MYO7B: variants seen among roughly 807,000 people sequenced by gnomAD.
The protein encoded by MYO7B is myosin VIIB.
A neutral mutation model predicts 259.7 loss-of-function variants in MYO7B; 212 were observed. The ratio of observed to expected loss-of-function variants is 0.82; its 90% CI spans 0.73 to 0.91. MYO7B has a LOEUF of 0.91. Among genes scored for constraint, MYO7B ranks in the 40% least tolerant of loss-of-function variants. The pLI is 0.00. For missense variants in MYO7B, 2,732 were observed against 2,813.5 expected (o/e 0.97, Z 0.66); for synonymous variants, 1,197 against 1,166.4 (o/e 1.03, Z -0.54).
In MYO7B at chr2:127,637,589, A is replaced by G; in HGVS notation, c.*172A>G. On this transcript the variant is annotated 3_prime_UTR_variant, in exon 48 of 48. Coordinates refer to ENST00000409816, the MANE Select transcript of MYO7B (RefSeq NM_001393586.1). ...GCCCCCTCTGTCCTGGGCGCTGCCC[A>G]GGGAGGCCAAAAGACGGGCCCAGAA... 1 of 499,954 alleles carries G rather than the reference A, an allele frequency of 2.0e-6. No homozygotes were observed. Among genetic ancestry groups the G allele is most frequent in the Non-Finnish European group, 3.5e-6 (1 of 288,838 alleles). The allele number at this position is 499,954 out of a possible 1,614,324, so 31.0% of individuals were successfully genotyped here.
chr2:127,557,297 T>G (rs1677867714), intron 1 of MYO7B, among the ~76,000 whole-genome samples: 1 of 152,160 alleles, frequency 6.6e-6, no homozygotes, highest in Admixed American at 6.5e-5. Flanking sequence ...ATTTCTCCCC[T>G]CATTTCTTGT....
At chr2:127,594,134 G>T (rs934304413) in intron 18 of MYO7B, among the ~76,000 whole-genome samples, 4 of 152,218 alleles carry the variant, frequency 2.6e-5, no homozygotes, top group African/African-American at 7.2e-5. Flanking sequence ...TGTCCTTAGC[G>T]GGGCTTGTGC....
chr2:127,570,764 A>C (rs1678566947), intron 6 of MYO7B, among the ~76,000 whole-genome samples: 3 of 150,418 alleles, frequency 2.0e-5, no homozygotes, highest in Non-Finnish European at 3.0e-5. Context: ...TGTCTTCCCA[A>C]CCCCTCCCCT....
rs1170136161 is a variant in MYO7B, at chr2:127,628,914, C to T, written c.4624+379C>T. 1.3e-5 allele frequency among the ~76,000 whole-genome samples: 2 copies of T among 152,228 alleles called. No homozygotes were observed. Among genetic ancestry groups the T allele is most frequent in the Non-Finnish European group, 2.9e-5 (2 of 68,040 alleles). On this transcript the variant is annotated intron_variant, in intron 34 of 47. Coordinates refer to ENST00000409816, the MANE Select transcript of MYO7B (RefSeq NM_001393586.1). The surrounding 1 kb of genome is among the most constrained non-coding windows in gnomAD (Gnocchi z 4.8). ...TTTTACAGACGTGAGGCCAGAGGCC[C>T]AGAGATGGAAGTAGCTCACCCAGGG...
Position 127,576,581 on chromosome 2 carries a change from T to G in MYO7B, c.736-14T>G. ...GCTCATGAATCTGTCTGGAATGCCC[T>G]CCCTCCCTCCCAGGCTCCCGAGGAG... is the stretch of plus-strand genomic sequence containing the variant. On this transcript the variant is annotated splice_polypyrimidine_tract_variant and intron_variant, in intron 7 of 47. Coordinates refer to ENST00000409816, the MANE Select transcript of MYO7B (RefSeq NM_001393586.1). The surrounding 1 kb of genome is among the most constrained non-coding windows in gnomAD (Gnocchi z 4.9). The G allele has an allele frequency of 3.1e-5, 29 of 921,080 alleles. No homozygotes were observed. The highest frequency in any genetic ancestry group is 4.5e-5 in the Non-Finnish European group (26 of 581,718). 57.1% of individuals were successfully genotyped at this position (921,080 alleles called of 1,614,324 possible).
rs141289493 is a variant in MYO7B, at chr2:127,610,049, C to T, written c.3192+33C>T. 628 of 1,599,288 alleles carry T rather than the reference C, an allele frequency of 3.9e-4. 1 individual carries two copies. The African/African-American group carries it at 6.3e-3, about 16-fold the overall frequency. ...GGGGGCAGCAGCGGGCAGAGGAGGG[C>T]GACACCTACCAGGTGCCTACCAGGG... is the stretch of plus-strand genomic sequence containing the variant. On this transcript the variant is annotated intron_variant, in intron 24 of 47. Transcript: ENST00000409816.
chr2:127,609,627 C>T lies in MYO7B; in HGVS notation c.2936C>T (p.Thr979Ile). 2.5e-6 allele frequency: 4 copies of T among 1,614,010 alleles called. No individual in the cohort carries two copies. Among genetic ancestry groups the T allele is most frequent in the Non-Finnish European group, 3.4e-6 (4 of 1,179,898 alleles). Residue 979 changes from threonine to isoleucine, a missense_variant, in exon 23 of 48, where the codon ACT becomes ATT. Around this residue, in one of 3 missense-constraint regions of MYO7B, gnomAD observed 1,906 missense variants for 2,026.4 expected, o/e 0.94. Transcript: ENST00000409816. The surrounding 1 kb of genome is among the most constrained non-coding windows in gnomAD (Gnocchi z 6.9). ...TACACCTTCCCCAAGTTTGCTGTGA[C>T]TTACTTCCAGAAATCAGCCAGCCAC... ...AEYTFPKFAVTYFQKSASHTH... is the reference protein window; with the variant it reads ...AEYTFPKFAVIYFQKSASHTH...
Position 127,627,383 on chromosome 2 carries a change from TGGGGAGAG to T in MYO7B, c.4460+77_4460+84del. 9.2e-7 allele frequency: 1 copy of T among 1,092,798 alleles called. No individual in the cohort carries two copies. The highest frequency in any genetic ancestry group is 1.2e-6 in the Non-Finnish European group (1 of 824,548). 67.7% of individuals were successfully genotyped at this position (1,092,798 alleles called of 1,614,324 possible). ...ATGCATCTGGGGGCTCGGGGAGAGA[TGGGGAGAG>T]GGGCAGTGTGCCGTCCCGGGTAACA... is the stretch of plus-strand genomic sequence containing the variant. On this transcript the variant is annotated intron_variant, in intron 33 of 47. Transcript: ENST00000409816. This position sits in a 1 kb window ranked among gnomAD's most constrained non-coding sequence, Gnocchi z 5.6.
In MYO7B at chr2:127,615,527, G is replaced by T. The variant is rs1214892524; in HGVS notation, c.3398+2924G>T. ...GAATGAGCAGGGAGGAGGAGGTAAC[G>T]ATTGGTCAGCTGCTTAATTGATCAC... On this transcript the variant is annotated intron_variant, in intron 26 of 47. Coordinates refer to ENST00000409816, the MANE Select transcript of MYO7B (RefSeq NM_001393586.1). The surrounding 1 kb of genome is among the most constrained non-coding windows in gnomAD (Gnocchi z 4.4). Among the ~76,000 whole-genome samples the T allele has an allele frequency of 6.6e-6, 1 of 152,064 alleles. No homozygotes were observed. The highest frequency in any genetic ancestry group is 2.4e-5 in the African/African-American group (1 of 41,394).
rs186602816 is a variant in MYO7B, at chr2:127,543,145, T to C, written c.-24+7314T>C. ...CCTTTACGGGTGTCGGGCTGGGGGA[T>C]GATCAGGTCTTTCCCTTCCCACGAG... On this transcript the variant is annotated intron_variant, in intron 1 of 47. Coordinates refer to ENST00000409816, the MANE Select transcript of MYO7B (RefSeq NM_001393586.1). Among the ~76,000 whole-genome samples, 1,005 of 152,270 alleles carry C rather than the reference T, an allele frequency of 6.6e-3. 11 individuals are homozygous for C. The highest frequency in any genetic ancestry group is 0.023 in the African/African-American group (951 of 41,548).
At chr2:127,592,082 G>T (rs1290517526) in intron 16 of MYO7B, among the ~76,000 whole-genome samples, 1 of 152,208 alleles carries the variant, frequency 6.6e-6, no homozygotes, top group Non-Finnish European at 1.5e-5. Flanking sequence ...ACCTATGTAG[G>T]CAAGGGGCGC....
At chr2:127,630,750 G>A (rs1225687342) in intron 35 of MYO7B, 28 bp from the exon 36 acceptor site, 5 of 1,609,744 alleles carry the variant, frequency 3.1e-6, no homozygotes, top group East Asian at 2.2e-5. Flanking sequence ...GTGGCTCCTG[G>A]GCACCCACAG....
chr2:127,627,000 C>T lies in MYO7B; in HGVS notation c.4241C>T (p.Thr1414Ile), dbSNP rs1334174085. ...GCCCCATACACTCAGAAGCAAGTCA[C>T]ACCACTGGCCGTGCGAGAGCAGGTG... ...AKAPYTQKQV[T>I]PLAVREQVVD... is the part of the protein sequence containing the mutation. Residue 1414 changes from threonine to isoleucine, a missense_variant, in exon 32 of 48, where the codon ACA (threonine) becomes ATA (isoleucine). Thr to Ile is a moderately conservative substitution (Grantham distance 89). Transcript: ENST00000409816. 3 of 1,611,738 alleles carry T rather than the reference C, an allele frequency of 1.9e-6. No individual in the cohort carries two copies. Among genetic ancestry groups the T allele is most frequent in the Non-Finnish European group, 2.5e-6 (3 of 1,179,278 alleles).
At chr2:127,543,244 A>G (rs1270280130) in intron 1 of MYO7B, among the ~76,000 whole-genome samples, 2 of 152,240 alleles carry the variant, frequency 1.3e-5, no homozygotes, top group African/African-American at 2.4e-5. Context: ...GTCTCTGCTG[A>G]CTTCCACAGT....
At chr2:127,622,364 C>T (rs1680881559) in intron 28 of MYO7B, among the ~76,000 whole-genome samples, 1 of 152,182 alleles carries the variant, frequency 6.6e-6, no homozygotes, top group Admixed American at 6.5e-5. Context: ...CACTCATTAG[C>T]ATTACAGTGC....
rs868714216 is a variant in MYO7B at position 127,613,776 on chromosome 2, C to T, written c.3398+1173C>T. Among the ~76,000 whole-genome samples the T allele has an allele frequency of 6.6e-6, 1 of 152,218 alleles. No homozygotes were observed. Among genetic ancestry groups the T allele is most frequent in the African/African-American group, 2.4e-5 (1 of 41,452 alleles). On this transcript the variant is annotated intron_variant, in intron 26 of 47. Coordinates refer to ENST00000409816, the MANE Select transcript of MYO7B (RefSeq NM_001393586.1). The surrounding 1 kb of genome is among the most constrained non-coding windows in gnomAD (Gnocchi z 4.3). ...TACCTTGGCTGGACTCAAACTCTGT[C>T]TCCTCCATGATGAGCAGAAGCTAGA...
At position 127,592,809 on chromosome 2, in the gene MYO7B, C is replaced by T; in HGVS notation, c.2008C>T (p.Leu670=). The part of the protein sequence containing the change: ...YKKPLLFDRE[L]CLRQLRYSGM... ...CCGCCCACAGCTGTTCGACCGGGAG[C>T]TGTGCCTGCGGCAGCTGCGATACTC... The change falls in exon 17 of 48, where the codon CTG becomes TTG. Residue 670 remains leucine, a synonymous_variant. Coordinates refer to ENST00000409816, the MANE Select transcript of MYO7B (RefSeq NM_001393586.1). 7 of 1,610,532 alleles carry T rather than the reference C, an allele frequency of 4.3e-6. No homozygotes were observed. The highest frequency in any genetic ancestry group is 5.9e-6 in the Non-Finnish European group (7 of 1,178,930).
chr2:127,555,941 T>C (rs1043682859), intron 1 of MYO7B, among the ~76,000 whole-genome samples: 3 of 152,234 alleles, frequency 2.0e-5, no homozygotes, highest in African/African-American at 7.2e-5. Flanking sequence ...TTTAAATCCA[T>C]TGTTTTTTTG....
At chr2:127,601,327 A>T (rs761606524) in intron 19 of MYO7B, among the ~76,000 whole-genome samples, 4 of 152,248 alleles carry the variant, frequency 2.6e-5, no homozygotes, top group Non-Finnish European at 5.9e-5. Flanking sequence ...AAAAATGTCA[A>T]TTAGATCTTG....
Sources: allele counts gnomAD v4.1 joint callset (sites outside exome capture counted in the v4.1 genomes callset), GRCh38; gene constraint gnomAD v4.1.1; regional missense constraint gnomAD v4.1.1; non-coding constraint Gnocchi (gnomAD v3.1); transcripts MANE v1.5; gene names NCBI Gene and HGNC (gene_info 2026-07-23, HGNC 2026-07-21).